The following EBF3 variants were observed in gnomAD, a reference collection of about 807,000 sequenced individuals.
EBF3 encodes the protein EBF transcription factor 3.
In EBF3, 18 loss-of-function variants were observed where a neutral mutation model predicts 77.1. The observed-to-expected ratio is 0.23, with a 90% CI of 0.16 to 0.35. The LOEUF (loss-of-function observed/expected upper bound fraction) is 0.35, where lower values mean the gene tolerates loss of function less well. Ranked by LOEUF, EBF3 falls within the 10% of genes least tolerant of loss-of-function variation. EBF3 has a pLI of 1.00. For missense variants in EBF3, 558 were observed against 860.0 expected (o/e 0.65, Z 4.39); for synonymous variants, 350 against 343.5 (o/e 1.02, Z -0.21).
chr10:129,951,372 C>T (rs1322905703), intron 6 of EBF3, among the ~76,000 whole-genome samples: 1 of 152,228 alleles, frequency 6.6e-6, no homozygotes, highest in Non-Finnish European at 1.5e-5. Context: ...GGATGCTTTC[C>T]GTCAACATGC....
intron 6 of EBF3, among the ~76,000 whole-genome samples, chr10:129,936,272 T>A (rs1445034904): frequency 6.6e-6 from 1 of 152,094 alleles, no homozygotes; most frequent in East Asian, 1.9e-4. Flanking sequence ...TTCTACCAGG[T>A]GGAACCAGGA....
Position 129,938,926 on chromosome 10 carries a change from A to G in EBF3, c.554+18332T>C, listed in dbSNP as rs139011116. ...TGACCAGTTGGCATCTGATGACTCAATTATCCCAACTCCATCCTTTAAACA... is the reference window on the plus strand; with the variant it reads ...TGACCAGTTGGCATCTGATGACTCAGTTATCCCAACTCCATCCTTTAAACA... On this transcript the variant is annotated intron_variant, in intron 6 of 16. Coordinates refer to ENST00000440978, the MANE Select transcript of EBF3 (RefSeq NM_001375380.1). This position sits in a 1 kb window ranked among gnomAD's most constrained non-coding sequence, Gnocchi z 5.1. Among the ~76,000 whole-genome samples, 1 of 152,314 alleles carries G rather than the reference A, an allele frequency of 6.6e-6. No homozygotes were observed. The highest frequency in any genetic ancestry group is 1.9e-4 in the East Asian group (1 of 5,180).
Position 129,947,880 on chromosome 10 carries a change from T to G in EBF3, c.554+9378A>C, listed in dbSNP as rs1320422073. Among the ~76,000 whole-genome samples the G allele has an allele frequency of 4.0e-5, 6 of 151,732 alleles. No homozygotes were observed. The highest frequency in any genetic ancestry group is 2.1e-4 in the South Asian group (1 of 4,794). On this transcript the variant is annotated intron_variant, in intron 6 of 16. Coordinates refer to ENST00000440978, the MANE Select transcript of EBF3 (RefSeq NM_001375380.1). This position sits in a 1 kb window ranked among gnomAD's most constrained non-coding sequence, Gnocchi z 4.5. ...TAACCTTTAAGAAGAAAAAAAAAATTATATTCAAAGAGAGTATTATCGGTG... is the reference window on the plus strand; with the variant it reads ...TAACCTTTAAGAAGAAAAAAAAAATGATATTCAAAGAGAGTATTATCGGTG...
In EBF3 at chr10:129,897,979, C is replaced by G. The variant is rs987292865; in HGVS notation, c.555-20130G>C. 6.6e-6 allele frequency among the ~76,000 whole-genome samples: 1 copy of G among 152,096 alleles called. No homozygotes were observed. Among genetic ancestry groups the G allele is most frequent in the Non-Finnish European group, 1.5e-5 (1 of 68,024 alleles). ...TGGGGCTGCTCAACAGAAGAGAGCCCGAGCTGACCCGTTGCTGTATTAAAT... is the reference window on the plus strand; with the variant it reads ...TGGGGCTGCTCAACAGAAGAGAGCCGGAGCTGACCCGTTGCTGTATTAAAT... On this transcript the variant is annotated intron_variant, in intron 6 of 16. Coordinates refer to ENST00000440978, the MANE Select transcript of EBF3 (RefSeq NM_001375380.1). This position sits in a 1 kb window ranked among gnomAD's most constrained non-coding sequence, Gnocchi z 4.6.
At position 129,954,269 on chromosome 10, in the gene EBF3, T is replaced by A. The variant is rs1436610061; in HGVS notation, c.554+2989A>T. On this transcript the variant is annotated intron_variant, in intron 6 of 16. Coordinates refer to ENST00000440978, the MANE Select transcript of EBF3 (RefSeq NM_001375380.1). ...TTTGCTCCGTAAGTTGTTATATTAT[T>A]TTAAATATACTGCATATAGTTATAA... Among the ~76,000 whole-genome samples, 906 of 152,326 alleles carry A rather than the reference T, an allele frequency of 5.9e-3. 11 individuals are homozygous for A. Among genetic ancestry groups the A allele is most frequent in the African/African-American group, 0.021 (862 of 41,558 alleles).
At chr10:129,937,481 C>A (rs1219812480) in intron 6 of EBF3, among the ~76,000 whole-genome samples, 1 of 152,166 alleles carries the variant, frequency 6.6e-6, no homozygotes, top group Non-Finnish European at 1.5e-5. Context: ...TCAAGACACA[C>A]CAGCGCTGCC....
Position 129,837,674 on chromosome 10 carries a change from C to A in EBF3, c.*269G>T. On this transcript the variant is annotated 3_prime_UTR_variant, in exon 17 of 17. Coordinates refer to ENST00000440978, the MANE Select transcript of EBF3 (RefSeq NM_001375380.1). The stretch of plus-strand genomic sequence containing the variant: ...TAGGCGTCGCTTTGTTTTCCTTATT[C>A]TTCAGGACTGAGAAATGTGAAAATA... 3.8e-5 allele frequency: 18 copies of A among 473,442 alleles called. No homozygotes were observed. Among genetic ancestry groups the A allele is most frequent in the Non-Finnish European group, 4.1e-5 (11 of 267,212 alleles). The allele number at this position is 473,442 out of a possible 1,614,324, so 29.3% of individuals were successfully genotyped here. A position where few individuals can be genotyped will look rare whatever the true frequency, so the allele number is the denominator to read the frequency against.
intron 15 of EBF3, 40 bp from the exon 16 acceptor site, chr10:129,839,235 G>T (rs1849830379): frequency 1.0e-6 from 1 of 960,638 alleles, no homozygotes; most frequent in Non-Finnish European, 1.5e-6. Context: ...TGGTTGAATG[G>T]GTTCATGTTT....
intron 6 of EBF3, among the ~76,000 whole-genome samples, chr10:129,949,581 C>T (rs1280903498): frequency 3.9e-5 from 6 of 152,172 alleles, no homozygotes; most frequent in Non-Finnish European, 7.4e-5. Flanking sequence ...CCCACATGCA[C>T]GCCTGGGGAA....
chr10:129,881,923 G>A (rs980182974), intron 6 of EBF3, among the ~76,000 whole-genome samples: 1 of 152,244 alleles, frequency 6.6e-6, no homozygotes, highest in Non-Finnish European at 1.5e-5. Flanking sequence ...GGTCTTGGTT[G>A]TGTTTGTTTC....
At chr10:129,840,727 G>A (rs1849975418) in intron 14 of EBF3, 117 bp downstream of exon 14, 5 of 1,427,472 alleles carry the variant, frequency 3.5e-6, no homozygotes, top group South Asian at 2.8e-5. Context: ...CAGCCTCCAG[G>A]GCCACCCTTC....
chr10:129,883,422 T>TA (rs978516226), intron 6 of EBF3, among the ~76,000 whole-genome samples: 1 of 152,186 alleles, frequency 6.6e-6, no homozygotes, highest in African/African-American at 2.4e-5. Flanking sequence ...GAGTCAAGAA[T>TA]AAAAAATGTT....
At chr10:129,889,633 C>G (rs977356928) in intron 6 of EBF3, among the ~76,000 whole-genome samples, 3 of 152,166 alleles carry the variant, frequency 2.0e-5, no homozygotes, top group African/African-American at 7.2e-5. Flanking sequence ...AAGACAGATG[C>G]AGGGGAATCT....
chr10:129,850,364 T>C (rs1407821602), intron 10 of EBF3, among the ~76,000 whole-genome samples: 1 of 152,234 alleles, frequency 6.6e-6, no homozygotes, highest in African/African-American at 2.4e-5. Flanking sequence ...TTTCCAATGT[T>C]TCAGTTGAAT....
At chr10:129,912,954 C>A (rs1282396850) in intron 6 of EBF3, among the ~76,000 whole-genome samples, 1 of 152,228 alleles carries the variant, frequency 6.6e-6, no homozygotes, top group Admixed American at 6.5e-5. Flanking sequence ...AAGTTTACTT[C>A]CTTCCAACAA....
rs895534391 is a variant in EBF3, at chr10:129,870,560, A to T, written c.782-2648T>A. Among the ~76,000 whole-genome samples, 2 of 152,100 alleles carry T rather than the reference A, an allele frequency of 1.3e-5. No individual in the cohort carries two copies. Among genetic ancestry groups the T allele is most frequent in the Non-Finnish European group, 2.9e-5 (2 of 68,004 alleles). On this transcript the variant is annotated intron_variant, in intron 8 of 16. Transcript: ENST00000440978. The surrounding 1 kb of genome is among the most constrained non-coding windows in gnomAD (Gnocchi z 4.4). ...GGCGAGTCTCCCCTGCGGATCTGACATGCGCCACCATGACCTGTTTTTAAC... is the reference window on the plus strand; with the variant it reads ...GGCGAGTCTCCCCTGCGGATCTGACTTGCGCCACCATGACCTGTTTTTAAC...
At chr10:129,872,323 C>T (rs953488089) in intron 8 of EBF3, among the ~76,000 whole-genome samples, 3 of 152,174 alleles carry the variant, frequency 2.0e-5, no homozygotes, top group African/African-American at 7.2e-5. Context: ...CTAATGACAT[C>T]GGTGCTTAGG....
intron 6 of EBF3, among the ~76,000 whole-genome samples, chr10:129,902,162 AC>A (rs906957322): frequency 6.6e-6 from 1 of 151,872 alleles, no homozygotes; most frequent in Non-Finnish European, 1.5e-5. Flanking sequence ...TTAGTTCCCC[AC>A]CACAACGCAG....
intron 6 of EBF3, among the ~76,000 whole-genome samples, chr10:129,887,388 A>G (rs2134178037): frequency 1.3e-5 from 2 of 152,336 alleles, no homozygotes; most frequent in Middle Eastern, 3.4e-3. Flanking sequence ...AGTAAGGGCA[A>G]TAAAGATACA....
Sources: allele counts gnomAD v4.1 joint callset (sites outside exome capture counted in the v4.1 genomes callset), GRCh38; gene constraint gnomAD v4.1.1; non-coding constraint Gnocchi (gnomAD v3.1); transcripts MANE v1.5; gene names NCBI Gene and HGNC (gene_info 2026-07-23, HGNC 2026-07-21).